The following MACROD2 variants were observed in gnomAD, a reference collection of about 807,000 sequenced individuals.
The protein encoded by MACROD2 is ADP-ribose glycohydrolase MACROD2.
A neutral mutation model predicts 70.4 loss-of-function variants in MACROD2; 36 were observed. The ratio of observed to expected loss-of-function variants is 0.51; its 90% CI spans 0.39 to 0.68. The LOEUF (loss-of-function observed/expected upper bound fraction) is 0.68, where lower values mean the gene tolerates loss of function less well. Ranked by LOEUF, MACROD2 falls within the 30% of genes least tolerant of loss-of-function variation. The pLI, the probability that MACROD2 is intolerant of heterozygous loss-of-function variation, is 0.00. For missense variants in MACROD2, 496 were observed against 538.4 expected (o/e 0.92, Z 0.78); for synonymous variants, 172 against 178.8 (o/e 0.96, Z 0.30).
At chr20:15,749,799 G>T (rs2223675) in intron 8 of MACROD2, among the ~76,000 whole-genome samples, 3 of 151,630 alleles carry the variant, frequency 2.0e-5, no homozygotes, top group African/African-American at 7.3e-5. Context: ...ACTGACTATC[G>T]AAAGGCAGAA....
intron 3 of MACROD2, among the ~76,000 whole-genome samples, chr20:14,242,267 A>C (rs2081936162): frequency 6.6e-6 from 1 of 152,206 alleles, no homozygotes; most frequent in African/African-American, 2.4e-5. Context: ...GAAAAATCAC[A>C]GACTTCACGT....
intron 7 of MACROD2, among the ~76,000 whole-genome samples, chr20:15,459,456 T>C (rs868508983): frequency 6.2e-4 from 94 of 152,170 alleles, no homozygotes; most frequent in African/African-American, 1.5e-3. Context: ...GCAGCCTTTT[T>C]CCCCCCACTA....
chr20:15,343,877 T>TG (rs2146210934), intron 6 of MACROD2, among the ~76,000 whole-genome samples: 1 of 152,312 alleles, frequency 6.6e-6, no homozygotes, highest in African/African-American at 2.4e-5. Context: ...GTGGTCTACT[T>TG]GGTTTGATGG....
chr20:15,906,687 A>C (rs1056437816), intron 10 of MACROD2, among the ~76,000 whole-genome samples: 1 of 151,880 alleles, frequency 6.6e-6, no homozygotes, highest in Non-Finnish European at 1.5e-5. Flanking sequence ...TCCCAATCTT[A>C]ATTTGACTTT....
At chr20:14,675,662 C>A (rs571268443) in intron 4 of MACROD2, among the ~76,000 whole-genome samples, 2 of 152,224 alleles carry the variant, frequency 1.3e-5, no homozygotes, top group African/African-American at 4.8e-5. Flanking sequence ...GGCAAAATAA[C>A]CAGCTAGCAT....
At chr20:14,280,763 C>T (rs756493964) in intron 3 of MACROD2, among the ~76,000 whole-genome samples, 2 of 152,092 alleles carry the variant, frequency 1.3e-5, no homozygotes, top group African/African-American at 2.4e-5. Flanking sequence ...ATCATGACAC[C>T]GACCCTCTTT....
At chr20:14,578,343 A>G (rs1980760597) in intron 4 of MACROD2, among the ~76,000 whole-genome samples, 1 of 152,068 alleles carries the variant, frequency 6.6e-6, no homozygotes. Flanking sequence ...ATTACAGGCG[A>G]TATACTTTCA....
intron 8 of MACROD2, among the ~76,000 whole-genome samples, chr20:15,784,061 G>A (rs2051879703): frequency 6.6e-6 from 1 of 152,138 alleles, no homozygotes. Flanking sequence ...AAAGTTAGTT[G>A]TTAGTGGATA....
At chr20:14,259,525 T>G (rs1000469130) in intron 3 of MACROD2, among the ~76,000 whole-genome samples, 1 of 152,188 alleles carries the variant, frequency 6.6e-6, no homozygotes, top group African/African-American at 2.4e-5. Context: ...GAATTTAGTT[T>G]CAATGTAACT....
At chr20:14,186,979 C>T (rs188847794) in intron 3 of MACROD2, among the ~76,000 whole-genome samples, 107 of 152,152 alleles carry the variant, frequency 7.0e-4, no homozygotes, top group African/African-American at 2.6e-3. Context: ...GGGAGGCAAG[C>T]ATTGAAAAAC....
chr20:15,816,504 C>T (rs1990396), intron 8 of MACROD2, among the ~76,000 whole-genome samples: 24,496 of 152,112 alleles, frequency 0.16, 2,148 homozygotes, highest in Middle Eastern at 0.31. Flanking sequence ...TCATCATTTA[C>T]AAGCCATAGC....
At chr20:15,480,730 C>G (rs1050252136) in intron 7 of MACROD2, among the ~76,000 whole-genome samples, 14 of 152,132 alleles carry the variant, frequency 9.2e-5, no homozygotes, top group South Asian at 4.1e-4. Flanking sequence ...CCCAATCCTT[C>G]ATTTCCCCAT....
chr20:15,067,819 A>G (rs915077422), intron 5 of MACROD2, among the ~76,000 whole-genome samples: 7 of 151,928 alleles, frequency 4.6e-5, no homozygotes, highest in African/African-American at 1.5e-4. Context: ...TTTGTTAACT[A>G]CTCTCTACAA....
At chr20:14,404,397 T>C (rs1216106790) in intron 3 of MACROD2, among the ~76,000 whole-genome samples, 1 of 151,994 alleles carries the variant, frequency 6.6e-6, no homozygotes, top group African/African-American at 2.4e-5. Context: ...AAGGCTGAGG[T>C]CGGCAGATCA....
chr20:14,454,806 G>A (rs1055725078), intron 3 of MACROD2, among the ~76,000 whole-genome samples: 7 of 139,184 alleles, frequency 5.0e-5, no homozygotes, highest in African/African-American at 1.9e-4. Context: ...AGGCTGGAGT[G>A]CAGTGGTGAG....
intron 4 of MACROD2, among the ~76,000 whole-genome samples, chr20:14,571,087 A>G (rs1207747407): frequency 6.6e-6 from 1 of 152,044 alleles, no homozygotes; most frequent in Non-Finnish European, 1.5e-5. Flanking sequence ...AGGGCTATGC[A>G]TTTTTCATAA....
chr20:15,967,580 A>C lies in MACROD2; in HGVS notation c.935A>C (p.Lys312Thr). The change falls in exon 13 of 18, where the codon AAA becomes ACA. Residue 312 changes from lysine to threonine, a missense_variant. By Grantham distance (78) the Lys-to-Thr change is moderately conservative. Transcript: ENST00000684519. ...TTTGCAAAGGATGAAAATATTACAAAAGGCGGTGAAGTGACAGATCATTCT... is the reference window on the plus strand; with the variant it reads ...TTTGCAAAGGATGAAAATATTACAACAGGCGGTGAAGTGACAGATCATTCT... Reference protein sequence around the residue: ...EDFAKDENITKGGEVTDHSVR... With the variant: ...EDFAKDENITTGGEVTDHSVR... 6.2e-7 allele frequency: 1 copy of C among 1,611,762 alleles called. No homozygotes were observed. Among genetic ancestry groups the C allele is most frequent in the Non-Finnish European group, 8.5e-7 (1 of 1,179,008 alleles).
At chr20:15,381,826 T>C (rs547457815) in intron 6 of MACROD2, among the ~76,000 whole-genome samples, 2 of 152,170 alleles carry the variant, frequency 1.3e-5, no homozygotes, top group Admixed American at 6.5e-5. Flanking sequence ...ATGAGACAGA[T>C]TAGGCACAGG....
At chr20:15,728,343 G>T (rs1198576225) in intron 8 of MACROD2, among the ~76,000 whole-genome samples, 2 of 152,132 alleles carry the variant, frequency 1.3e-5, no homozygotes, top group African/African-American at 4.8e-5. Flanking sequence ...GTTCATCAAG[G>T]ACATTGATCT....
Sources: allele counts gnomAD v4.1 joint callset (sites outside exome capture counted in the v4.1 genomes callset), GRCh38; gene constraint gnomAD v4.1.1; transcripts MANE v1.5; gene names NCBI Gene and HGNC (gene_info 2026-07-23, HGNC 2026-07-21).